The following KCNH2 variants were observed in gnomAD, a reference collection of about 807,000 sequenced individuals.
KCNH2 encodes potassium voltage-gated channel subfamily H member 2.
Under a neutral mutation model 95.9 loss-of-function variants are expected in KCNH2, and 35 were observed. That is an observed-to-expected ratio of 0.37 (90% CI 0.28 to 0.48). The LOEUF (loss-of-function observed/expected upper bound fraction) is 0.48. KCNH2 is among the 20% of genes least tolerant of loss of function. The pLI is 0.99. For missense variants in KCNH2, 1,274 were observed against 1,702.9 expected (o/e 0.75, Z 4.43); for synonymous variants, 786 against 754.7 (o/e 1.04, Z -0.68).
Position 150,977,916 on chromosome 7 carries a change from T to C in KCNH2, c.-3A>G, listed in dbSNP as rs1226942646. ...ACGTGGCCCCTCCGCACCGGCATCC[T>C]GAGCCCATGGGCGGGCCGGGCGGGC... On this transcript the variant is annotated 5_prime_UTR_variant, in exon 1 of 15. Transcript: ENST00000262186. 7 of 1,592,552 alleles carry C rather than the reference T, an allele frequency of 4.4e-6. No individual in the cohort carries two copies. Among genetic ancestry groups the C allele is most frequent in the East Asian group, 2.3e-5 (1 of 43,510 alleles).
chr7:150,963,407 A>AG (rs1801620150), intron 2 of KCNH2, among the ~76,000 whole-genome samples: 1 of 152,160 alleles, frequency 6.6e-6, no homozygotes, highest in Non-Finnish European at 1.5e-5. Flanking sequence ...CTAGGGCCGT[A>AG]GGGGTGAAAT....
Position 150,948,452 on chromosome 7 carries a change from G to A in KCNH2, c.2684C>T (p.Thr895Met), listed in dbSNP as rs199473434. The A allele has an allele frequency of 3.0e-5, 37 of 1,230,738 alleles. No homozygotes were observed. The East Asian group carries it at 8.9e-4, about 30-fold the overall frequency. 76.2% of individuals were successfully genotyped at this position (1,230,738 alleles called of 1,614,324 possible). ...RKRKLSFRRR[T>M]DKDTEQPGEV... ...CCCCTCCCCCGCCTCACCCTTGTCCGTGCGCCTGCGGAAGGACAACTTGCG... is the reference window on the plus strand; with the variant it reads ...CCCCTCCCCCGCCTCACCCTTGTCCATGCGCCTGCGGAAGGACAACTTGCG... The change falls in exon 11 of 15, where the codon ACG becomes ATG. Residue 895 changes from threonine (T) to methionine (M), a missense_variant. Coordinates refer to ENST00000262186, the MANE Select transcript of KCNH2 (RefSeq NM_000238.4).
At chr7:150,976,732 C>A (rs1247913755) in intron 1 of KCNH2, among the ~76,000 whole-genome samples, 1 of 140,674 alleles carries the variant, frequency 7.1e-6, no homozygotes, top group Admixed American at 6.9e-5. Context: ...AATCCAGCAC[C>A]CCCCCCCACA....
intron 2 of KCNH2, among the ~76,000 whole-genome samples, chr7:150,960,409 C>T (rs1297999151): frequency 6.6e-6 from 1 of 152,180 alleles, no homozygotes. Flanking sequence ...ACCAAGTCAG[C>T]ACATGCTGAG....
chr7:150,974,999 A>G (rs1444258002), intron 1 of KCNH2, 58 bp from the exon 2 acceptor site: 2 of 1,440,260 alleles, frequency 1.4e-6, no homozygotes, highest in Non-Finnish European at 1.9e-6. Context: ...CGGGACTCCC[A>G]GCCCTTCCCC....
intron 3 of KCNH2, among the ~76,000 whole-genome samples, chr7:150,959,329 C>G (rs1481510726): frequency 6.6e-6 from 1 of 152,178 alleles, no homozygotes; most frequent in Non-Finnish European, 1.5e-5. Flanking sequence ...GGAAACGGTG[C>G]TAGCCCACGC....
rs762722807 is a variant in KCNH2 at position 150,950,464 on chromosome 7, C to A, written c.2146-44G>T. ...CAGCTCAGCACACCCTCCCTTGGGA[C>A]CCCCCAACCCACACTCTACTCCACC... is the stretch of plus-strand genomic sequence containing the variant. On this transcript the variant is annotated intron_variant, in intron 8 of 14. Coordinates refer to ENST00000262186, the MANE Select transcript of KCNH2 (RefSeq NM_000238.4). 1.0e-5 allele frequency: 16 copies of A among 1,599,992 alleles called. No homozygotes were observed. In the East Asian group the frequency reaches 3.6e-4, roughly 36 times the overall value.
Position 150,958,506 on chromosome 7 carries a change from C to T in KCNH2, c.473-4G>A, listed in dbSNP as rs1472016275. 5.4e-6 allele frequency: 8 copies of T among 1,475,224 alleles called. No homozygotes were observed. The highest frequency in any genetic ancestry group is 7.1e-6 in the Non-Finnish European group (8 of 1,119,882). 91.4% of individuals were successfully genotyped at this position (1,475,224 alleles called of 1,614,324 possible). A position where few individuals can be genotyped will look rare whatever the true frequency, so the allele number is the denominator to read the frequency against. ...AGGCGGAAGGTCTTGGCGCGGCCTG[C>T]GGGAGAGGAGAGGCACGTGGTCGTG... On this transcript the variant is annotated splice_polypyrimidine_tract_variant and splice_region_variant and intron_variant, in intron 3 of 14. Coordinates refer to ENST00000262186, the MANE Select transcript of KCNH2 (RefSeq NM_000238.4).
chr7:150,949,853 A>G (rs773257959), intron 9 of KCNH2: 1 of 1,294,726 alleles, frequency 7.7e-7, no homozygotes, highest in African/African-American at 1.5e-5. Context: ...CTTCCAGGCT[A>G]GCATTTCTTC....
At position 150,959,690 on chromosome 7, in the gene KCNH2, C is replaced by G. The variant is rs1288219855; in HGVS notation, c.354G>C (p.Glu118Asp). ...CLVDVVPVKN[E>D]DGAVIMFILN... ...GGATGAACATGATGACAGCCCCATC[C>G]TCGTTCTTCACGGGCACCACATCCA... The change falls in exon 3 of 15, where the codon GAG becomes GAC. Residue 118 changes from glutamate (E) to aspartate (D), a missense_variant. Physicochemically the swap from Glu to Asp is conservative, Grantham distance 45. This residue lies in a region of KCNH2 where 85 missense variants were observed against 174.7 expected (regional missense o/e 0.49). Transcript: ENST00000262186. 3 of 1,614,204 alleles carry G rather than the reference C, an allele frequency of 1.9e-6. No individual in the cohort carries two copies. Among genetic ancestry groups the G allele is most frequent in the Admixed American group, 3.3e-5 (2 of 60,032 alleles).
rs954810482 is a variant in KCNH2 at position 150,963,626 on chromosome 7, C to T, written c.308-3890G>A. Among the ~76,000 whole-genome samples, 3 of 151,192 alleles carry T rather than the reference C, an allele frequency of 2.0e-5. No individual in the cohort carries two copies. The South Asian group carries it at 6.3e-4, about 32-fold the overall frequency. On this transcript the variant is annotated intron_variant, in intron 2 of 14. Transcript: ENST00000262186. ...ACTCCCACCCCAGCCTCAGCCCCAGCGCTGGCTGAAGACACCTTACTTTGG... is the reference window on the plus strand; with the variant it reads ...ACTCCCACCCCAGCCTCAGCCCCAGTGCTGGCTGAAGACACCTTACTTTGG...
chr7:150,963,741 C>A (rs1186497086), intron 2 of KCNH2, among the ~76,000 whole-genome samples: 3 of 152,218 alleles, frequency 2.0e-5, no homozygotes, highest in East Asian at 1.9e-4. Context: ...CCTGCACAGG[C>A]TCCATGGCTC....
Position 150,950,066 on chromosome 7 carries a change from A to T in KCNH2, c.2398+102T>A. 1 of 1,612,668 alleles carries T rather than the reference A, an allele frequency of 6.2e-7. No homozygotes were observed. Among genetic ancestry groups the T allele is most frequent in the South Asian group, 1.1e-5 (1 of 90,522 alleles). ...AAAGGAGCCCAGTGACCCTGCAGGC[A>T]GTCCCAGGTCCACAGCCCCAGTGAC... On this transcript the variant is annotated intron_variant, in intron 9 of 14. Transcript: ENST00000262186.
At chr7:150,947,118 TGGGGAA>T (rs1158069413) in intron 13 of KCNH2, 64 bp from the exon 14 acceptor site, 4 of 203,554 alleles carry the variant, frequency 2.0e-5, no homozygotes, top group African/African-American at 1.0e-4. Context: ...CCACCGGGAG[TGGGGAA>T]GGGGAAGGGG....
At chr7:150,976,839 C>T (rs1472718158) in intron 1 of KCNH2, among the ~76,000 whole-genome samples, 1 of 151,782 alleles carries the variant, frequency 6.6e-6, no homozygotes, top group Non-Finnish European at 1.5e-5. Flanking sequence ...GTCTCCACCC[C>T]CTCAGGATCA....
At chr7:150,965,852 T>C (rs1801689613) in intron 2 of KCNH2, among the ~76,000 whole-genome samples, 1 of 152,134 alleles carries the variant, frequency 6.6e-6, no homozygotes, top group East Asian at 1.9e-4. Flanking sequence ...GGACAGGCCA[T>C]GTCCCCACCC....
intron 2 of KCNH2, 27 bp from the exon 3 acceptor site, chr7:150,959,763 T>C: frequency 6.2e-7 from 1 of 1,613,918 alleles, no homozygotes. Context: ...CATAGCCCCC[T>C]TGGCACCCAC....
In KCNH2 at chr7:150,977,969, C is replaced by T. The variant is rs1301671312; in HGVS notation, c.-56G>A. On this transcript the variant is annotated 5_prime_UTR_variant, in exon 1 of 15. Coordinates refer to ENST00000262186, the MANE Select transcript of KCNH2 (RefSeq NM_000238.4). ...CCACCCACCCCGGCCCGGCCCGGCC[C>T]AGCACTAGGCTTCGGGTGGCCCGGC... The T allele has an allele frequency of 9.3e-7, 1 of 1,073,136 alleles. No homozygotes were observed. The highest frequency in any genetic ancestry group is 3.2e-5 in the East Asian group (1 of 31,458). The allele number at this position is 1,073,136 out of a possible 1,614,324, so 66.5% of individuals were successfully genotyped here.
chr7:150,949,956 G>A (rs1236481691), intron 9 of KCNH2: 3 of 1,541,726 alleles, frequency 1.9e-6, no homozygotes, highest in South Asian at 1.2e-5. Flanking sequence ...GAAGGAGAAT[G>A]TGGGAACCCC....
Sources: allele counts gnomAD v4.1 joint callset (sites outside exome capture counted in the v4.1 genomes callset), GRCh38; gene constraint gnomAD v4.1.1; regional missense constraint gnomAD v4.1.1; transcripts MANE v1.5; gene names NCBI Gene and HGNC (gene_info 2026-07-23, HGNC 2026-07-21).